PCDHA6: variants seen among roughly 807,000 people sequenced by gnomAD.
The protein encoded by PCDHA6 is protocadherin alpha-6.
Under a neutral mutation model 60.3 loss-of-function variants are expected in PCDHA6, and 55 were observed. The ratio of observed to expected loss-of-function variants is 0.91; its 90% CI spans 0.73 to 1.14. The LOEUF is 1.14. PCDHA6 is among the 50% of genes most tolerant of loss of function. The pLI, the probability that PCDHA6 is intolerant of heterozygous loss-of-function variation, is 0.00. For synonymous variants in PCDHA6, 652 were observed against 557.9 expected, an observed-to-expected ratio of 1.17 and a Z score of -2.38; for missense variants, 1,327 against 1,256.5, an observed-to-expected ratio of 1.06 and a Z score of -0.85.
intron 1 of PCDHA6, among the ~76,000 whole-genome samples, chr5:140,961,708 A>C (rs2095630610): frequency 6.6e-6 from 1 of 152,204 alleles, no homozygotes; most frequent in Non-Finnish European, 1.5e-5. Flanking sequence ...GAATGCCTTC[A>C]TTTCTAAGTG....
intron 1 of PCDHA6, chr5:140,929,206 C>T (rs1554206828): frequency 2.5e-6 from 4 of 1,614,018 alleles, no homozygotes; most frequent in Non-Finnish European, 1.7e-6. Flanking sequence ...TTTGCTGTTG[C>T]GTGGGGAGTA....
At chr5:140,907,706 A>G (rs1171479205) in intron 1 of PCDHA6, among the ~76,000 whole-genome samples, 1 of 152,172 alleles carries the variant, frequency 6.6e-6, no homozygotes, top group Non-Finnish European at 1.5e-5. Flanking sequence ...CCTGTTGCTG[A>G]GCCCATGTGT....
chr5:140,969,251 A>G, intron 1 of PCDHA6: 1 of 1,614,262 alleles, frequency 6.2e-7, no homozygotes, highest in South Asian at 1.1e-5. Flanking sequence ...AGTGACTGAC[A>G]GCAGGAATCT....
chr5:140,956,044 T>G (rs1335890349), intron 1 of PCDHA6, among the ~76,000 whole-genome samples: 1 of 152,200 alleles, frequency 6.6e-6, no homozygotes, highest in African/African-American at 2.4e-5. Context: ...AAGAAGCTTT[T>G]GGGCTGAGAC....
intron 1 of PCDHA6, chr5:140,884,397 T>C: frequency 6.2e-7 from 1 of 1,613,992 alleles, no homozygotes; most frequent in South Asian, 1.1e-5. Flanking sequence ...GTGTCCAGCC[T>C]GTTGGTGCTC....
chr5:140,877,023 G>A (rs1554169254), intron 1 of PCDHA6: 2 of 1,612,456 alleles, frequency 1.2e-6, no homozygotes, highest in Non-Finnish European at 1.7e-6. Flanking sequence ...GCGGCAAGGT[G>A]TACGCGCTGC....
intron 1 of PCDHA6, chr5:140,929,574 G>A: frequency 2.2e-6 from 1 of 448,534 alleles, no homozygotes; most frequent in Non-Finnish European, 3.9e-6. Flanking sequence ...AACAATAAAA[G>A]TAATATGACA....
rs1554174531 is a variant in PCDHA6 at position 140,882,554 on chromosome 5, T to G, written c.2394+52069T>G. On this transcript the variant is annotated intron_variant, in intron 1 of 3. Transcript: ENST00000529310. ...TTCTCGGATCGACCGCGAGGAGCTG[T>G]GTGGGCGGAGCGCGGAGTGCAGCAT... is the stretch of plus-strand genomic sequence containing the variant. 1.9e-6 allele frequency: 3 copies of G among 1,614,174 alleles called. No homozygotes were observed. The South Asian group carries it at 3.3e-5, about 18-fold the overall frequency.
intron 1 of PCDHA6, chr5:140,875,879 G>A: frequency 6.2e-7 from 1 of 1,614,214 alleles, no homozygotes. Context: ...TTCAGAGAAA[G>A]GGAACAAAAG....
At chr5:140,916,647 C>T (rs2077666767) in intron 1 of PCDHA6, among the ~76,000 whole-genome samples, 1 of 152,180 alleles carries the variant, frequency 6.6e-6, no homozygotes, top group African/African-American at 2.4e-5. Context: ...TGTGGCTGAG[C>T]TGGTATCCAA....
intron 1 of PCDHA6, chr5:140,843,660 T>C (rs2150364651): frequency 6.3e-7 from 1 of 1,594,154 alleles, no homozygotes; most frequent in Non-Finnish European, 8.6e-7. Flanking sequence ...CCTCCTGATC[T>C]GGGATCAGTT....
intron 1 of PCDHA6, among the ~76,000 whole-genome samples, chr5:140,961,969 C>T (rs188846719): frequency 1.5e-4 from 23 of 151,904 alleles, no homozygotes; most frequent in African/African-American, 5.1e-4. Flanking sequence ...CTGCAACCTC[C>T]GCCTCCTGGG....
Position 140,830,447 on chromosome 5 carries a change from G to GCGGAGAAT in PCDHA6, c.2358_2365dup (p.Gln789ArgfsTer6). On this transcript the variant is annotated frameshift_variant, in exon 1 of 4. Transcript: ENST00000529310. LOFTEE classifies it high-confidence loss of function. ...ACCTTGTCCTATTATGATGGGTAAG[G>GCGGAGAAT]CGGAGAATCAGGATTTAAATGAAGA... is the stretch of plus-strand genomic sequence containing the variant. The GCGGAGAAT allele has an allele frequency of 6.2e-7, 1 of 1,601,744 alleles. No individual in the cohort carries two copies. Among genetic ancestry groups the GCGGAGAAT allele is most frequent in the Middle Eastern group, 1.7e-4 (1 of 6,018 alleles).
Position 141,009,995 on chromosome 5 carries a change from C to T in PCDHA6, c.*58C>T, listed in dbSNP as rs1178395504. 6.3e-7 allele frequency: 1 copy of T among 1,576,476 alleles called. No individual in the cohort carries two copies. The highest frequency in any genetic ancestry group is 8.6e-7 in the Non-Finnish European group (1 of 1,165,244). ...TTTTTGTAATAATGGCAAATCTCTC[C>T]CATGTAGCAATTCCCTGCTCCTTTT... On this transcript the variant is annotated 3_prime_UTR_variant, in exon 4 of 4. Coordinates refer to ENST00000529310, the MANE Select transcript of PCDHA6 (RefSeq NM_018909.4).
intron 1 of PCDHA6, among the ~76,000 whole-genome samples, chr5:140,945,375 C>T (rs1414758644): frequency 1.3e-4 from 20 of 152,006 alleles, no homozygotes; most frequent in African/African-American, 3.9e-4. Context: ...GTCCATATTA[C>T]CCAAAGCAAT....
intron 1 of PCDHA6, chr5:140,834,165 C>T: frequency 1.8e-6 from 1 of 543,158 alleles, no homozygotes; most frequent in Non-Finnish European, 3.2e-6. Flanking sequence ...GTAATTCTTA[C>T]TTACATGATG....
chr5:140,836,094 G>C, intron 1 of PCDHA6: 1 of 1,613,708 alleles, frequency 6.2e-7, no homozygotes, highest in Middle Eastern at 1.6e-4. Context: ...GCCTCGGGTG[G>C]GTGGCACTGG....
rs2150182159 is a variant in PCDHA6 at position 140,830,157 on chromosome 5, CA to C, written c.2067del (p.Glu690ArgfsTer11). On this transcript the variant is annotated frameshift_variant, in exon 1 of 4. Transcript: ENST00000529310. LOFTEE classifies it high-confidence loss of function. ...SSRASVGAAG[P>X]EAALVDVNVY... Reference sequence around the variant, plus strand: ...CGGGCGTCGGTGGGCGCCGCGGGCCCAGAGGCGGCGCTGGTGGATGTCAACG... The same window carrying C: ...CGGGCGTCGGTGGGCGCCGCGGGCCCGAGGCGGCGCTGGTGGATGTCAACG... 1.2e-6 allele frequency: 2 copies of C among 1,613,406 alleles called. No individual in the cohort carries two copies. The highest frequency in any genetic ancestry group is 2.2e-5 in the South Asian group (2 of 91,044).
At position 140,835,814 on chromosome 5, in the gene PCDHA6, G is replaced by T. The variant is rs2150245444; in HGVS notation, c.2394+5329G>T. ...CGCCGGGCTGCCACATCTTCACTGTGTCGGCGGGGGACGCGGACGCGCAGA... is the reference window on the plus strand; with the variant it reads ...CGCCGGGCTGCCACATCTTCACTGTTTCGGCGGGGGACGCGGACGCGCAGA... On this transcript the variant is annotated intron_variant, in intron 1 of 3. Coordinates refer to ENST00000529310, the MANE Select transcript of PCDHA6 (RefSeq NM_018909.4). The T allele has an allele frequency of 3.1e-6, 5 of 1,612,862 alleles. 1 individual carries two copies. In the South Asian group the frequency reaches 5.5e-5, roughly 18 times the overall value.
Sources: allele counts gnomAD v4.1 joint callset (sites outside exome capture counted in the v4.1 genomes callset), GRCh38; gene constraint gnomAD v4.1.1; transcripts MANE v1.5; gene names NCBI Gene and HGNC (gene_info 2026-07-23, HGNC 2026-07-21).